Variants in ZNF107 observed in about 807,000 individuals in gnomAD.
ZNF107 encodes C2H2 type zinc-finger protein.
In ZNF107, 19 loss-of-function variants were observed where a neutral mutation model predicts 12.3. The observed-to-expected ratio is 1.55, with a 90% CI of 1.08 to 2.27. The LOEUF (loss-of-function observed/expected upper bound fraction) is 2.27. ZNF107 is among the 30% of genes most tolerant of loss of function. ZNF107 has a pLI of 0.00. For synonymous variants in ZNF107, 317 were observed against 330.5 expected (o/e 0.96, Z 0.44); for missense variants, 958 against 979.9 (o/e 0.98, Z 0.30).
chr7:64,701,587 AT>A (rs1230157121), intron 3 of ZNF107, among the ~76,000 whole-genome samples: 1 of 151,754 alleles, frequency 6.6e-6, no homozygotes, highest in Non-Finnish European at 1.5e-5. Flanking sequence ...TTCTTAAGTC[AT>A]TCAGGTATTT....
At chr7:64,688,039 CTCTG>C (rs956061744) in intron 1 of ZNF107, among the ~76,000 whole-genome samples, 1 of 152,128 alleles carries the variant, frequency 6.6e-6, no homozygotes, top group African/African-American at 2.4e-5. Context: ...AGAATTGTGT[CTCTG>C]TCTATTTGGT....
At position 64,707,102 on chromosome 7, in the gene ZNF107, T is replaced by A. The variant is rs781693969; in HGVS notation, c.1005T>A (p.His335Gln). Reference protein sequence around the residue: ...FSNLTNHKRIHAGEKPYKCKE... With the variant: ...FSNLTNHKRIQAGEKPYKCKE... The stretch of plus-strand genomic sequence containing the variant: ...ATCTTACTAACCATAAGAGAATTCA[T>A]GCTGGGGAGAAACCCTACAAATGTA... Residue 335 changes from histidine (H) to glutamine (Q), a missense_variant, in exon 4 of 4, where the codon CAT becomes CAA. Transcript: ENST00000620827. The A allele has an allele frequency of 1.9e-6, 3 of 1,612,556 alleles. No homozygotes were observed. The highest frequency in any genetic ancestry group is 2.5e-6 in the Non-Finnish European group (3 of 1,179,556).
chr7:64,679,109 A>C, intron 1 of ZNF107: 2 of 726,700 alleles, frequency 2.8e-6, no homozygotes, highest in Non-Finnish European at 3.4e-6. Flanking sequence ...TTGTGTGAGC[A>C]GTGAGGCTAT....
intron 1 of ZNF107, among the ~76,000 whole-genome samples, chr7:64,683,962 C>T (rs1017324599): frequency 2.6e-5 from 4 of 152,144 alleles, no homozygotes; most frequent in African/African-American, 9.7e-5. Flanking sequence ...TTACCTGTTT[C>T]GGCCTCCCTA....
intron 1 of ZNF107, chr7:64,690,473 G>A: frequency 1.0e-6 from 1 of 982,284 alleles, no homozygotes; most frequent in African/African-American, 1.8e-5. Flanking sequence ...TGCCTTTCCG[G>A]AGTGGTTGCT....
chr7:64,673,088 G>C (rs2128956310), intron 1 of ZNF107, among the ~76,000 whole-genome samples: 1 of 152,286 alleles, frequency 6.6e-6, no homozygotes, highest in East Asian at 1.9e-4. Flanking sequence ...CTGTTGCCCA[G>C]GCTGGAGTGC....
chr7:64,666,697 C>T (rs1463324326), intron 1 of ZNF107, among the ~76,000 whole-genome samples: 2 of 152,146 alleles, frequency 1.3e-5, no homozygotes, highest in Non-Finnish European at 1.5e-5. Flanking sequence ...GGTTCCTAGT[C>T]CATCTTTTTT....
At chr7:64,697,232 G>A (rs553094397) in intron 3 of ZNF107, among the ~76,000 whole-genome samples, 67 of 152,214 alleles carry the variant, frequency 4.4e-4, no homozygotes, top group African/African-American at 1.6e-3. Flanking sequence ...GGACATTTGG[G>A]TTGGTTCCAA....
At chr7:64,696,019 A>G (rs1218381049) in intron 3 of ZNF107, among the ~76,000 whole-genome samples, 1 of 152,044 alleles carries the variant, frequency 6.6e-6, no homozygotes, top group African/African-American at 2.4e-5. Context: ...GCTTGAGCCC[A>G]AAAGTTTGAG....
At chr7:64,696,771 T>A (rs2128964815) in intron 3 of ZNF107, among the ~76,000 whole-genome samples, 1 of 152,286 alleles carries the variant, frequency 6.6e-6, no homozygotes, top group Admixed American at 6.5e-5. Flanking sequence ...AGTGACATAA[T>A]ATTCTCAAAG....
intron 1 of ZNF107, among the ~76,000 whole-genome samples, chr7:64,679,634 C>T (rs1222037989): frequency 6.6e-6 from 1 of 152,176 alleles, no homozygotes; most frequent in Non-Finnish European, 1.5e-5. Context: ...CTCCATTCCT[C>T]CTCCTTGTCC....
intron 3 of ZNF107, among the ~76,000 whole-genome samples, chr7:64,702,701 A>G (rs1295291973): frequency 6.6e-6 from 1 of 151,812 alleles, no homozygotes; most frequent in Non-Finnish European, 1.5e-5. Context: ...GGGATTACAG[A>G]CATGTGCCAC....
At position 64,708,263 on chromosome 7, in the gene ZNF107, A is replaced by G. The variant is rs73363327; in HGVS notation, c.2166A>G (p.Arg722=). 4.0e-3 allele frequency: 6,524 copies of G among 1,613,716 alleles called. 238 individuals carry two copies. In the African/African-American group the frequency reaches 0.076, roughly 19 times the overall value. ...KAFNCSSTLN[R]HKIIHTGEKP... ...TTAACTGCTCCTCAACCCTTAATAG[A>G]CATAAGATAATTCATACTGGAGAGA... is the stretch of plus-strand genomic sequence containing the variant. Residue 722 remains arginine (R), a synonymous_variant, in exon 4 of 4, where the codon AGA becomes AGG. Transcript: ENST00000620827.
chr7:64,686,308 T>C (rs1472724109), intron 1 of ZNF107, among the ~76,000 whole-genome samples: 3 of 152,070 alleles, frequency 2.0e-5, no homozygotes, highest in Non-Finnish European at 2.9e-5. Context: ...GGCCCCTCAT[T>C]TCCATCATTC....
intron 1 of ZNF107, among the ~76,000 whole-genome samples, chr7:64,678,464 T>G (rs1316936177): frequency 1.3e-5 from 2 of 152,232 alleles, no homozygotes; most frequent in Admixed American, 1.3e-4. Flanking sequence ...CATAGTTAGG[T>G]GTAGCATTTG....
Position 64,708,726 on chromosome 7 carries a change from T to C in ZNF107, c.*70T>C. On this transcript the variant is annotated 3_prime_UTR_variant, in exon 4 of 4. Coordinates refer to ENST00000620827, the MANE Select transcript of ZNF107 (RefSeq NM_001282359.2). ...AGAAACTACAAATGTGAAGAATGTG[T>C]TAAAGCCTTTAACAAGTCTTCAACT... 2 of 1,443,154 alleles carry C rather than the reference T, an allele frequency of 1.4e-6. No individual in the cohort carries two copies. Among genetic ancestry groups the C allele is most frequent in the Non-Finnish European group, 1.9e-6 (2 of 1,071,032 alleles). 89.4% of individuals were successfully genotyped at this position (1,443,154 alleles called of 1,614,324 possible). A position where few individuals can be genotyped will look rare whatever the true frequency, so the allele number is the denominator to read the frequency against.
chr7:64,708,845 A>G lies in ZNF107; in HGVS notation c.*189A>G. On this transcript the variant is annotated 3_prime_UTR_variant, in exon 4 of 4. Transcript: ENST00000620827. ...TTAACTAATCTTCAAACCTTACTGA[A>G]AGTTGAGAAAATTCGTACTGGAGAG... 4 of 674,592 alleles carry G rather than the reference A, an allele frequency of 5.9e-6. 1 individual carries two copies. The South Asian group carries it at 8.4e-5, about 14-fold the overall frequency. 41.8% of individuals were successfully genotyped at this position (674,592 alleles called of 1,614,324 possible).
intron 1 of ZNF107, among the ~76,000 whole-genome samples, chr7:64,683,343 G>A (rs1789762411): frequency 6.6e-6 from 1 of 152,190 alleles, no homozygotes; most frequent in Non-Finnish European, 1.5e-5. Context: ...GTTGTCCACT[G>A]CAGAGGATGC....
intron 1 of ZNF107, chr7:64,689,689 T>TCGG (rs1790050166): frequency 7.7e-4 from 1 of 1,304 alleles, no homozygotes; most frequent in South Asian, 0.026. Context: ...CTGCCTGCCT[T>TCGG]ATCCTTGGCC....
Sources: gnomAD v4.1 joint callset for allele counts (sites outside exome capture counted in the v4.1 genomes callset) on GRCh38, gnomAD v4.1.1 for gene constraint, MANE v1.5 for transcripts, NCBI Gene and HGNC (gene_info 2026-07-23, HGNC 2026-07-21) for gene names.